The following BCAT1 variants were observed in gnomAD, a reference collection of about 807,000 sequenced individuals.
BCAT1 encodes branched chain amino acid transaminase 1, also known as branched-chain-amino-acid aminotransferase, cytosolic.
Under a neutral mutation model 52.4 loss-of-function variants are expected in BCAT1, and 48 were observed. The ratio of observed to expected loss-of-function variants is 0.92; its 90% CI spans 0.73 to 1.16. BCAT1 has a LOEUF of 1.16. Ranked by LOEUF, BCAT1 falls within the 50% of genes most tolerant of loss-of-function variation. BCAT1 has a pLI of 0.00. For missense variants in BCAT1, 451 were observed against 457.1 expected (o/e 0.99, Z 0.12); for synonymous variants, 167 against 161.3 (o/e 1.04, Z -0.27).
intron 3 of BCAT1, among the ~76,000 whole-genome samples, chr12:24,889,215 G>A (rs1002824126): frequency 6.6e-6 from 1 of 152,186 alleles, no homozygotes; most frequent in Non-Finnish European, 1.5e-5. Context: ...AACTCCTCGT[G>A]TGAGTCCTTG....
chr12:24,837,196 T>C (rs990850629), intron 7 of BCAT1, among the ~76,000 whole-genome samples: 3 of 139,878 alleles, frequency 2.1e-5, no homozygotes, highest in African/African-American at 7.8e-5. Flanking sequence ...AATAATGAGA[T>C]GGTTTTCCAC....
At chr12:24,935,885 C>T (rs1565505684) in intron 1 of BCAT1, among the ~76,000 whole-genome samples, 1 of 152,182 alleles carries the variant, frequency 6.6e-6, no homozygotes, top group Non-Finnish European at 1.5e-5. Context: ...TCAGCCCTCA[C>T]CAACAACACA....
At chr12:24,867,337 CTT>C (rs35488171) in intron 5 of BCAT1, among the ~76,000 whole-genome samples, 18,759 of 128,888 alleles carry the variant, frequency 0.15, 1,159 homozygotes, top group East Asian at 0.19. Flanking sequence ...TCGAAAATAT[CTT>C]TTTTTTTTTT....
At chr12:24,874,810 C>T (rs1475415188) in intron 5 of BCAT1, among the ~76,000 whole-genome samples, 1 of 152,184 alleles carries the variant, frequency 6.6e-6, no homozygotes, top group East Asian at 1.9e-4. Context: ...ATAAACACAG[C>T]AACTACCATA....
chr12:24,886,215 C>T (rs1257987667), intron 3 of BCAT1, among the ~76,000 whole-genome samples: 2 of 152,054 alleles, frequency 1.3e-5, no homozygotes, highest in Non-Finnish European at 2.9e-5. Flanking sequence ...CCCAGGAGTT[C>T]GAGACCAGCC....
chr12:24,845,726 A>G (rs1941324660), intron 6 of BCAT1, among the ~76,000 whole-genome samples: 1 of 152,222 alleles, frequency 6.6e-6, no homozygotes, highest in East Asian at 1.9e-4. Context: ...GAGTTACATG[A>G]GACTGTTACA....
rs1198464641 is a variant in BCAT1 at position 24,811,377 on chromosome 12, T to A, written c.*6631A>T. On this transcript the variant is annotated 3_prime_UTR_variant, in exon 11 of 11. Transcript: ENST00000261192. ...AACCACACAAACAGGATTCTTTTGT[T>A]TTATTGATAACAGAAACTGTGCATA... 6.6e-6 allele frequency: 1 copy of A among 152,214 alleles called. No individual in the cohort carries two copies. Among genetic ancestry groups the A allele is most frequent in the Non-Finnish European group, 1.5e-5 (1 of 68,032 alleles). 9.4% of individuals were successfully genotyped at this position (152,214 alleles called of 1,614,324 possible).
intron 3 of BCAT1, among the ~76,000 whole-genome samples, chr12:24,885,650 A>G (rs1459899059): frequency 6.6e-6 from 1 of 152,220 alleles, no homozygotes; most frequent in Non-Finnish European, 1.5e-5. Context: ...CTAGCAGGCA[A>G]GGCTCATTAT....
At position 24,810,339 on chromosome 12, in the gene BCAT1, C is replaced by T. The variant is rs1433915220; in HGVS notation, c.*7669G>A. 6.6e-6 allele frequency: 1 copy of T among 152,142 alleles called. No individual in the cohort carries two copies. The highest frequency in any genetic ancestry group is 6.6e-5 in the Admixed American group (1 of 15,266). The allele number at this position is 152,142 out of a possible 1,614,324, so 9.4% of individuals were successfully genotyped here. A position where few individuals can be genotyped will look rare whatever the true frequency, so the allele number is the denominator to read the frequency against. Reference sequence around the variant, plus strand: ...TATAAGGCACATATGTATATGGAATCAGATTCATGATTTGAAAAATATGCT... The same window carrying T: ...TATAAGGCACATATGTATATGGAATTAGATTCATGATTTGAAAAATATGCT... On this transcript the variant is annotated 3_prime_UTR_variant, in exon 11 of 11. Coordinates refer to ENST00000261192, the MANE Select transcript of BCAT1 (RefSeq NM_005504.7).
At position 24,842,237 on chromosome 12, in the gene BCAT1, G is replaced by A. The variant is rs759184598; in HGVS notation, c.675-13C>T. The stretch of plus-strand genomic sequence containing the variant: ...TGAGCCGTAATTCCTTTAAGAAAGA[G>A]AAAATACACAGGTTACAAACATACT... On this transcript the variant is annotated splice_polypyrimidine_tract_variant and intron_variant, in intron 6 of 10. Transcript: ENST00000261192. 1 of 1,612,650 alleles carries A rather than the reference G, an allele frequency of 6.2e-7. No homozygotes were observed. Among genetic ancestry groups the A allele is most frequent in the East Asian group, 2.2e-5 (1 of 44,872 alleles).
intron 1 of BCAT1, among the ~76,000 whole-genome samples, chr12:24,917,783 A>G (rs754653831): frequency 6.6e-6 from 1 of 152,188 alleles, no homozygotes; most frequent in African/African-American, 2.4e-5. Context: ...AAATGTTACA[A>G]AGTTGTTCTG....
intron 8 of BCAT1, chr12:24,834,011 T>C (rs1448329794): frequency 1.0e-5 from 3 of 293,326 alleles, no homozygotes; most frequent in Non-Finnish European, 1.5e-5. Flanking sequence ...TATTTTATTT[T>C]GTAAAGATAG....
At chr12:24,936,112 C>G (rs887187754) in intron 1 of BCAT1, among the ~76,000 whole-genome samples, 7 of 152,232 alleles carry the variant, frequency 4.6e-5, no homozygotes, top group Non-Finnish European at 1.0e-4. Flanking sequence ...AATTCAAAAG[C>G]CACTTCCACA....
At chr12:24,826,062 A>T (rs1940383912) in intron 10 of BCAT1, among the ~76,000 whole-genome samples, 1 of 152,146 alleles carries the variant, frequency 6.6e-6, no homozygotes, top group South Asian at 2.1e-4. Context: ...AAATTTAAAA[A>T]TTAGTGGAAT....
At chr12:24,905,702 A>C (rs1170647197) in intron 1 of BCAT1, among the ~76,000 whole-genome samples, 1 of 152,154 alleles carries the variant, frequency 6.6e-6, no homozygotes, top group Non-Finnish European at 1.5e-5. Flanking sequence ...TACTAGTTAC[A>C]CTAAGAAGCT....
intron 1 of BCAT1, among the ~76,000 whole-genome samples, chr12:24,941,367 G>C (rs1197630147): frequency 1.3e-5 from 2 of 152,156 alleles, no homozygotes; most frequent in Non-Finnish European, 2.9e-5. Flanking sequence ...TTGGCAATAG[G>C]CATTAAGACC....
chr12:24,876,659 ACT>A (rs1441224963), intron 5 of BCAT1, among the ~76,000 whole-genome samples: 1 of 152,184 alleles, frequency 6.6e-6, no homozygotes, highest in Non-Finnish European at 1.5e-5. Flanking sequence ...GTTTCAACCA[ACT>A]TTAAAAAGTA....
intron 5 of BCAT1, among the ~76,000 whole-genome samples, chr12:24,852,163 T>G (rs1941534279): frequency 6.6e-6 from 1 of 152,190 alleles, no homozygotes; most frequent in African/African-American, 2.4e-5. Flanking sequence ...TTCCACTGTA[T>G]GTTTCCTGAG....
At chr12:24,931,897 A>T (rs1943682019) in intron 1 of BCAT1, among the ~76,000 whole-genome samples, 1 of 152,228 alleles carries the variant, frequency 6.6e-6, no homozygotes. Flanking sequence ...AGTCTTAGGC[A>T]GGCAGCTGTG....
Sources: allele counts gnomAD v4.1 joint callset (sites outside exome capture counted in the v4.1 genomes callset), GRCh38; gene constraint gnomAD v4.1.1; transcripts MANE v1.5; gene names NCBI Gene and HGNC (gene_info 2026-07-23, HGNC 2026-07-21).